TFAP2B: variants seen among roughly 807,000 people sequenced by gnomAD.
TFAP2B encodes the protein transcription factor AP-2-beta.
A neutral mutation model predicts 44.3 loss-of-function variants in TFAP2B; 9 were observed. That is an observed-to-expected ratio of 0.20 (90% CI 0.12 to 0.35). TFAP2B has a LOEUF of 0.35. Among genes scored for constraint, TFAP2B ranks in the 10% least tolerant of loss-of-function variants. The probability of loss-of-function intolerance (pLI) is 1.00; values close to 1 mark genes in which losing one functional copy is unlikely to be tolerated. For synonymous variants in TFAP2B, 270 were observed against 263.8 expected (o/e 1.02, Z -0.23); for missense variants, 509 against 600.0 (o/e 0.85, Z 1.59).
intron 5 of TFAP2B, among the ~76,000 whole-genome samples, chr6:50,839,897 C>A (rs765322140): frequency 3.9e-5 from 6 of 152,138 alleles, no homozygotes; most frequent in Non-Finnish European, 8.8e-5. Flanking sequence ...GTGTAGGAGA[C>A]CCCGTAGCTA....
In TFAP2B at chr6:50,823,719, C is replaced by A; in HGVS notation, c.394C>A (p.Leu132Ile). The stretch of plus-strand genomic sequence containing the variant: ...CCAGCCTCGGGCCGCCTTGCCCCAG[C>A]TCTCGGGCCTTGACCCCCGGAGGGA... ...LPQPRAALPQ[L>I]SGLDPRRDYH... The change falls in exon 2 of 7, where the codon CTC (leucine) becomes ATC (isoleucine). Residue 132 changes from leucine (L) to isoleucine (I), a missense_variant. Around this residue, in one of 3 missense-constraint regions of TFAP2B, gnomAD observed 296 missense variants for 308.2 expected, o/e 0.96. Transcript: ENST00000393655. The A allele has an allele frequency of 6.2e-7, 1 of 1,612,738 alleles. No individual in the cohort carries two copies. The highest frequency in any genetic ancestry group is 1.3e-5 in the African/African-American group (1 of 75,034).
intron 1 of TFAP2B, 104 bp from the exon 2 acceptor site, chr6:50,823,303 G>A: frequency 1.9e-6 from 2 of 1,027,262 alleles, no homozygotes; most frequent in Non-Finnish European, 3.0e-6. Flanking sequence ...TTTGTCACTT[G>A]TATTTTTTTT....
intron 3 of TFAP2B, among the ~76,000 whole-genome samples, chr6:50,829,948 ATCTC>A (rs60307026): frequency 0.13 from 20,224 of 149,946 alleles, 1,411 homozygotes; most frequent in African/African-American, 0.18. Flanking sequence ...TGCTTCAAAC[ATCTC>A]TCTCTCTCTC....
chr6:50,819,910 G>C (rs986017672), intron 1 of TFAP2B, among the ~76,000 whole-genome samples: 1 of 151,822 alleles, frequency 6.6e-6, no homozygotes. Flanking sequence ...GGCGCGCGGC[G>C]GGCCAGGCTG....
In TFAP2B at chr6:50,842,904, C is replaced by A. The variant is rs553577542; in HGVS notation, c.1083-188C>A. ...GAAGGGGTGCATTACCTCCCCACCC[C>A]CGCTTTCCTTTCAGTCCCAGCTGCT... On this transcript the variant is annotated intron_variant, in intron 6 of 6. Transcript: ENST00000393655. Among the ~76,000 whole-genome samples, 3 of 152,300 alleles carry A rather than the reference C, an allele frequency of 2.0e-5. No individual in the cohort carries two copies. In the East Asian group the frequency reaches 5.8e-4, roughly 29 times the overall value.
intron 2 of TFAP2B, among the ~76,000 whole-genome samples, 170 bp downstream of exon 2, chr6:50,824,035 T>A (rs1241477203): frequency 2.0e-5 from 3 of 152,260 alleles, no homozygotes; most frequent in Admixed American, 1.3e-4. Context: ...TCTGTATGTA[T>A]GGCTCTATAG....
chr6:50,839,497 T>A (rs1331237263), intron 5 of TFAP2B, among the ~76,000 whole-genome samples: 1 of 152,204 alleles, frequency 6.6e-6, no homozygotes, highest in Non-Finnish European at 1.5e-5. Flanking sequence ...GAGTAATACC[T>A]TAGATACTCC....
intron 2 of TFAP2B, among the ~76,000 whole-genome samples, chr6:50,827,167 C>A (rs1770552686): frequency 6.6e-6 from 1 of 152,104 alleles, no homozygotes; most frequent in South Asian, 2.1e-4. Flanking sequence ...GGTCTGGCTG[C>A]CCAAGGCACA....
intron 1 of TFAP2B, among the ~76,000 whole-genome samples, chr6:50,820,438 T>C (rs767106527): frequency 6.6e-6 from 1 of 152,124 alleles, no homozygotes; most frequent in African/African-American, 2.4e-5. Flanking sequence ...TGTGGAGGTA[T>C]GTAGGAGAGA....
At chr6:50,832,012 T>A (rs1165664911) in intron 3 of TFAP2B, among the ~76,000 whole-genome samples, 1 of 152,182 alleles carries the variant, frequency 6.6e-6, no homozygotes. Context: ...GGATTTTCTT[T>A]CATGGGAAAT....
chr6:50,822,893 C>T (rs145672515), intron 1 of TFAP2B, among the ~76,000 whole-genome samples: 138 of 152,218 alleles, frequency 9.1e-4, no homozygotes, highest in African/African-American at 2.9e-3. Context: ...GCATTTCCAG[C>T]GAAGGCAGAA....
intron 2 of TFAP2B, among the ~76,000 whole-genome samples, chr6:50,825,296 T>TG (rs1770472148): frequency 2.4e-5 from 1 of 41,718 alleles, no homozygotes; most frequent in South Asian, 8.7e-4. Context: ...TATTTAATAG[T>TG]TTTTTTTTTA....
intron 3 of TFAP2B, among the ~76,000 whole-genome samples, chr6:50,832,578 G>A (rs1762532865): frequency 6.6e-6 from 1 of 152,182 alleles, no homozygotes; most frequent in Non-Finnish European, 1.5e-5. Context: ...CTAACTTTTA[G>A]GGGCCACTTT....
intron 2 of TFAP2B, among the ~76,000 whole-genome samples, chr6:50,825,233 C>T (rs1770470204): frequency 6.6e-6 from 1 of 151,850 alleles, no homozygotes; most frequent in East Asian, 1.9e-4. Context: ...CTGAGCTTGA[C>T]TGTTCCTGGC....
intron 5 of TFAP2B, among the ~76,000 whole-genome samples, chr6:50,838,721 G>T (rs1020475264): frequency 6.6e-6 from 1 of 152,120 alleles, no homozygotes; most frequent in African/African-American, 2.4e-5. Flanking sequence ...CTTATAATTT[G>T]CTCATCAGTT....
At chr6:50,822,052 C>A in intron 1 of TFAP2B, 1 of 1,038,672 alleles carries the variant, frequency 9.6e-7, no homozygotes, top group Non-Finnish European at 1.3e-6. Flanking sequence ...CTCCTGTGTC[C>A]AGCTCGCTTC....
intron 2 of TFAP2B, among the ~76,000 whole-genome samples, chr6:50,825,624 T>C (rs1770481107): frequency 6.6e-6 from 1 of 152,160 alleles, no homozygotes. Flanking sequence ...TTTGGGAGAA[T>C]AGTCTTGTCA....
intron 3 of TFAP2B, among the ~76,000 whole-genome samples, chr6:50,835,824 G>C (rs1762608125): frequency 6.6e-6 from 1 of 152,214 alleles, no homozygotes; most frequent in Non-Finnish European, 1.5e-5. Context: ...GAGCAGGACT[G>C]TAGCAAATGA....
At chr6:50,835,706 G>A (rs1384168690) in intron 3 of TFAP2B, among the ~76,000 whole-genome samples, 1 of 152,242 alleles carries the variant, frequency 6.6e-6, no homozygotes, top group Non-Finnish European at 1.5e-5. Context: ...TTCAGACAGA[G>A]TCAGTCAGGT....
Sources: allele counts gnomAD v4.1 joint callset (sites outside exome capture counted in the v4.1 genomes callset), GRCh38; gene constraint gnomAD v4.1.1; regional missense constraint gnomAD v4.1.1; transcripts MANE v1.5; gene names NCBI Gene and HGNC (gene_info 2026-07-23, HGNC 2026-07-21).